CHST12: variants seen among roughly 807,000 people sequenced by gnomAD.
The protein encoded by CHST12 is carbohydrate (chondroitin 4) sulfotransferase 12.
A neutral mutation model predicts 27.9 loss-of-function variants in CHST12; 23 were observed. The ratio of observed to expected loss-of-function variants is 0.82; its 90% confidence interval spans 0.59 to 1.17. The LOEUF is 1.17. CHST12 is among the 50% of genes most tolerant of loss of function. The probability of loss-of-function intolerance (pLI) is 0.00; values close to 1 mark genes in which losing one functional copy is unlikely to be tolerated. For synonymous variants in CHST12, 322 were observed against 273.0 expected (o/e 1.18, Z -1.77); for missense variants, 682 against 603.0 (o/e 1.13, Z -1.37).
chr7:2,431,112 GGATTTGTCTGTTTATCCTTTAGCTCTATC>G (rs1782259402), intron 1 of CHST12, among the ~76,000 whole-genome samples: 1 of 152,092 alleles, frequency 6.6e-6, no homozygotes, highest in East Asian at 1.9e-4. Context: ...CCATAATTGT[GGATTTGTCTGTTTATCCTTTAGCTCTATC>G]GATTTTTGCT....
chr7:2,427,450 G>GTA (rs1308461241), intron 1 of CHST12, among the ~76,000 whole-genome samples: 1 of 149,518 alleles, frequency 6.7e-6, no homozygotes, highest in African/African-American at 2.5e-5. Context: ...GCAGTGAGCT[G>GTA]TGATTGTGCC....
intron 1 of CHST12, among the ~76,000 whole-genome samples, chr7:2,418,119 G>A (rs1308919996): frequency 2.0e-5 from 3 of 152,240 alleles, no homozygotes; most frequent in Non-Finnish European, 4.4e-5. Context: ...GTCAGCATGA[G>A]TATTTGGACC....
At chr7:2,431,275 A>T (rs1247548353) in intron 1 of CHST12, among the ~76,000 whole-genome samples, 1 of 152,050 alleles carries the variant, frequency 6.6e-6, no homozygotes, top group African/African-American at 2.4e-5. Context: ...TTCCTTCTGA[A>T]ATTTGCTTCA....
intron 1 of CHST12, among the ~76,000 whole-genome samples, chr7:2,427,060 C>G (rs568013940): frequency 8.7e-5 from 13 of 150,194 alleles, no homozygotes; most frequent in African/African-American, 2.7e-4. Flanking sequence ...ATTTGTAGCA[C>G]TTTGCAAGGC....
At chr7:2,429,983 A>C (rs531993537) in intron 1 of CHST12, among the ~76,000 whole-genome samples, 1 of 151,950 alleles carries the variant, frequency 6.6e-6, no homozygotes, top group Non-Finnish European at 1.5e-5. Context: ...GGGTTTTGCC[A>C]TGTTGTCTAG....
At chr7:2,423,869 C>T (rs1347182846) in intron 1 of CHST12, among the ~76,000 whole-genome samples, 1 of 152,102 alleles carries the variant, frequency 6.6e-6, no homozygotes, top group African/African-American at 2.4e-5. Context: ...GAGTTCGAGA[C>T]CAGCCTGGGC....
chr7:2,416,017 A>G (rs1001863808), intron 1 of CHST12, among the ~76,000 whole-genome samples: 3 of 152,218 alleles, frequency 2.0e-5, no homozygotes, highest in Non-Finnish European at 2.9e-5. Context: ...CATTTTACTT[A>G]TAGTAGAACA....
At chr7:2,422,564 T>A (rs1782006029) in intron 1 of CHST12, among the ~76,000 whole-genome samples, 1 of 141,936 alleles carries the variant, frequency 7.0e-6, no homozygotes, top group African/African-American at 2.7e-5. Flanking sequence ...TTAGATGGAG[T>A]CTTGTTCCGT....
chr7:2,425,074 C>T (rs1178424101), intron 1 of CHST12, among the ~76,000 whole-genome samples: 3 of 151,766 alleles, frequency 2.0e-5, no homozygotes, highest in South Asian at 2.1e-4. Context: ...GGTGTGGTGG[C>T]GGGCGCCTGT....
intron 1 of CHST12, among the ~76,000 whole-genome samples, chr7:2,420,564 T>C (rs1160410451): frequency 1.3e-5 from 2 of 152,046 alleles, no homozygotes; most frequent in South Asian, 2.1e-4. Context: ...TCCCAGCACT[T>C]TGGGGGGCCA....
In CHST12 at chr7:2,433,951, A is replaced by G. The variant is rs1167829584; in HGVS notation, c.*67A>G. The G allele has an allele frequency of 7.0e-7, 1 of 1,419,126 alleles. No individual in the cohort carries two copies. The highest frequency in any genetic ancestry group is 9.6e-7 in the Non-Finnish European group (1 of 1,046,970). 87.9% of individuals were successfully genotyped at this position (1,419,126 alleles called of 1,614,324 possible). ...GCACGCGCACTCCAGTTTTTTTATG[A>G]CCTACGATTTTGCAATCTGGGCTTC... On this transcript the variant is annotated 3_prime_UTR_variant, in exon 2 of 2. Transcript: ENST00000618655. The surrounding 1 kb of genome is among the most constrained non-coding windows in gnomAD (Gnocchi z 6.1).
intron 1 of CHST12, among the ~76,000 whole-genome samples, chr7:2,421,389 G>A (rs1781970096): frequency 6.7e-6 from 1 of 150,132 alleles, no homozygotes; most frequent in South Asian, 2.1e-4. Flanking sequence ...GAGACTACAG[G>A]CACACACTAC....
chr7:2,404,607 G>C (rs535804995), intron 1 of CHST12, among the ~76,000 whole-genome samples: 1 of 152,318 alleles, frequency 6.6e-6, no homozygotes, highest in East Asian at 1.9e-4. Context: ...GCGGGGACCC[G>C]GGTTAGCCCC....
chr7:2,404,279 G>C (rs1781462503), intron 1 of CHST12: 2 of 152,264 alleles, frequency 1.3e-5, no homozygotes, highest in Non-Finnish European at 2.9e-5. Context: ...AGAGGAAACC[G>C]TGCATTTAGT....
intron 1 of CHST12, among the ~76,000 whole-genome samples, chr7:2,407,875 C>T (rs551511894): frequency 6.6e-6 from 1 of 151,856 alleles, no homozygotes; most frequent in Admixed American, 6.6e-5. Context: ...TTGCTGTGAG[C>T]CCAGATCGTG....
rs1322475872 is a variant in CHST12 at position 2,438,795 on chromosome 7, C to T, written c.*4911C>T. 2 of 152,246 alleles carry T rather than the reference C, an allele frequency of 1.3e-5. No homozygotes were observed. Among genetic ancestry groups the T allele is most frequent in the Non-Finnish European group, 2.9e-5 (2 of 68,066 alleles). 9.4% of individuals were successfully genotyped at this position (152,246 alleles called of 1,614,324 possible). A position where few individuals can be genotyped will look rare whatever the true frequency, so the allele number is the denominator to read the frequency against. On this transcript the variant is annotated 3_prime_UTR_variant, in exon 2 of 2. Coordinates refer to ENST00000618655, the MANE Select transcript of CHST12 (RefSeq NM_018641.5). The stretch of plus-strand genomic sequence containing the variant: ...CCTAGGAGGGCTGAGTCAGGCCTCC[C>T]TACCCAGGCCCAAGGGCAGATGCAC...
At chr7:2,419,909 G>T (rs1380583837) in intron 1 of CHST12, among the ~76,000 whole-genome samples, 1 of 142,278 alleles carries the variant, frequency 7.0e-6, no homozygotes, top group African/African-American at 2.6e-5. Flanking sequence ...TCTACTTTCT[G>T]TCTCTAGGAA....
intron 1 of CHST12, among the ~76,000 whole-genome samples, chr7:2,424,607 T>C (rs998428637): frequency 7.2e-5 from 11 of 152,156 alleles, no homozygotes; most frequent in African/African-American, 2.4e-4. Flanking sequence ...TTGGATGCCC[T>C]CGGGAACAGA....
intron 1 of CHST12, among the ~76,000 whole-genome samples, chr7:2,414,361 G>C (rs1265850657): frequency 2.6e-5 from 4 of 151,670 alleles, no homozygotes; most frequent in African/African-American, 9.7e-5. Context: ...TTGGCTCACT[G>C]CAACCTCCAC....
Sources: allele counts gnomAD v4.1 joint callset (sites outside exome capture counted in the v4.1 genomes callset), GRCh38; gene constraint gnomAD v4.1.1; non-coding constraint Gnocchi (gnomAD v3.1); transcripts MANE v1.5; gene names NCBI Gene and HGNC (gene_info 2026-07-23, HGNC 2026-07-21).